DDX51: variants seen among roughly 807,000 people sequenced by gnomAD.
The protein encoded by DDX51 is DEAD-box helicase 51.
A neutral mutation model predicts 74.6 loss-of-function variants in DDX51; 67 were observed. That is an observed-to-expected ratio of 0.90 (90% confidence interval 0.74 to 1.10). The LOEUF (loss-of-function observed/expected upper bound fraction) is 1.10, where lower values mean the gene tolerates loss of function less well. Ranked by LOEUF, DDX51 falls within the 50% of genes least tolerant of loss-of-function variation. DDX51 has a pLI of 0.00. For synonymous variants in DDX51, 545 were observed against 402.9 expected (o/e 1.35, Z -4.22); for missense variants, 1,056 against 905.2 (o/e 1.17, Z -2.14).
chr12:132,141,112 T>C, intron 8 of DDX51, 92 bp from the exon 9 acceptor site: 3 of 1,506,868 alleles, frequency 2.0e-6, no homozygotes, highest in South Asian at 1.3e-5. Context: ...CTGTAGAGAC[T>C]GCCGCAGACC....
In DDX51 at chr12:132,139,198, C is replaced by T. The variant is rs111749278; in HGVS notation, c.*74G>A. 2.4e-3 allele frequency: 3,771 copies of T among 1,557,256 alleles called. 74 individuals are homozygous for T. The African/African-American group carries it at 0.045, about 19-fold the overall frequency. Reference sequence around the variant, plus strand: ...GATTCCTTTCCTCACATACAGGATCCAGTGATCAGCACTGCTCTGGAAGGA... The same window carrying T: ...GATTCCTTTCCTCACATACAGGATCTAGTGATCAGCACTGCTCTGGAAGGA... On this transcript the variant is annotated 3_prime_UTR_variant, in exon 15 of 15. Transcript: ENST00000397333.
At position 132,140,171 on chromosome 12, in the gene DDX51, C is replaced by T; in HGVS notation, c.1702G>A (p.Gly568Ser). The change falls in exon 12 of 15, where the codon GGC becomes AGC. Residue 568 changes from glycine (G) to serine (S), a missense_variant. Coordinates refer to ENST00000397333, the MANE Select transcript of DDX51 (RefSeq NM_175066.4). ...AGCTCCACACCCTGCACGTCGATGC[C>T]TCGCGCGGTGGCGTCCGTGCTGATG... ...LLISTDATAR[G>S]IDVQGVELVV... 1 of 1,612,834 alleles carries T rather than the reference C, an allele frequency of 6.2e-7. No individual in the cohort carries two copies. Among genetic ancestry groups the T allele is most frequent in the East Asian group, 2.2e-5 (1 of 44,880 alleles).
intron 14 of DDX51, 125 bp downstream of exon 14, chr12:132,139,510 C>T: frequency 1.3e-6 from 2 of 1,586,150 alleles, no homozygotes; most frequent in Non-Finnish European, 1.7e-6. Flanking sequence ...TCGAGGACAA[C>T]CTGTGTGACC....
rs950875946 is a variant in DDX51, at chr12:132,137,121, G to C, written c.*2151C>G. 4.6e-5 allele frequency: 7 copies of C among 152,284 alleles called. No homozygotes were observed. The highest frequency in any genetic ancestry group is 4.2e-4 in the South Asian group (2 of 4,818). The allele number at this position is 152,284 out of a possible 1,614,324, so 9.4% of individuals were successfully genotyped here. On this transcript the variant is annotated 3_prime_UTR_variant, in exon 15 of 15. Transcript: ENST00000397333. ...CTGCTCTGTGACACTTTTCTGCGAG[G>C]GTCTCTGGGTCTGCTCCCAGACATC...
intron 2 of DDX51, chr12:132,143,176 C>T (rs1897544268): frequency 6.7e-6 from 3 of 451,040 alleles, no homozygotes; most frequent in Non-Finnish European, 1.2e-5. Context: ...GGCGTCCCTG[C>T]CTCGAGGCCT....
intron 3 of DDX51, 66 bp downstream of exon 3, chr12:132,142,662 C>T: frequency 1.9e-6 from 3 of 1,591,004 alleles, no homozygotes; most frequent in African/African-American, 2.7e-5. Flanking sequence ...CCCACGGCCA[C>T]TCACAGCCTT....
At chr12:132,140,261 G>C (rs2136674615) in intron 11 of DDX51, 62 bp from the exon 12 acceptor site, 1 of 1,579,788 alleles carries the variant, frequency 6.3e-7, no homozygotes, top group East Asian at 2.2e-5. Flanking sequence ...GGCAGCACCG[G>C]CCCTGCGGGG....
rs1449418100 is a variant in DDX51 at position 132,143,787 on chromosome 12, C to T, written c.427G>A (p.Ala143Thr). 2.0e-6 allele frequency: 3 copies of T among 1,520,304 alleles called. No individual in the cohort carries two copies. The highest frequency in any genetic ancestry group is 2.6e-6 in the Non-Finnish European group (3 of 1,139,194). The allele number at this position is 1,520,304 out of a possible 1,614,324, so 94.2% of individuals were successfully genotyped here. A position where few individuals can be genotyped will look rare whatever the true frequency, so the allele number is the denominator to read the frequency against. The change falls in exon 2 of 15, where the codon GCG becomes ACG. Residue 143 changes from alanine (A) to threonine (T), a missense_variant. Transcript: ENST00000397333. ...GERSTSASAE[A>T]APDGPALEEA... The stretch of plus-strand genomic sequence containing the variant: ...TCCAGGGCCGGTCCATCTGGGGCCG[C>T]CTCGGCGCTGGCGCTGGTGCTGCGC...
intron 6 of DDX51, 48 bp from the exon 7 acceptor site, chr12:132,141,654 T>G (rs775211759): frequency 3.0e-5 from 46 of 1,533,790 alleles, no homozygotes; most frequent in Non-Finnish European, 3.9e-5. Context: ...CTCAAGGGCT[T>G]CCGGATAGCA....
intron 9 of DDX51, 27 bp downstream of exon 9, chr12:132,140,804 C>T (rs1231946928): frequency 1.4e-5 from 23 of 1,613,328 alleles, no homozygotes; most frequent in African/African-American, 2.7e-5. Flanking sequence ...CCAGTGCAAC[C>T]CTCTGCCCAC....
chr12:132,139,709 G>A lies in DDX51; in HGVS notation c.1900C>T (p.Leu634Phe). 6.2e-7 allele frequency: 1 copy of A among 1,613,022 alleles called. No individual in the cohort carries two copies. The highest frequency in any genetic ancestry group is 2.2e-5 in the East Asian group (1 of 44,874). Residue 634 changes from leucine to phenylalanine, a missense_variant, in exon 14 of 15, where the codon CTC becomes TTC. Physicochemically the swap from Leu to Phe is conservative, Grantham distance 22. Coordinates refer to ENST00000397333, the MANE Select transcript of DDX51 (RefSeq NM_175066.4). ...AGAPELQRHE[L>F]SSKLLQPLVP... ...AGCGGCTGCAGCAGCTTGCTGGAGA[G>A]CTCGTGCCGCTGCAACTCAGGTGCC...
chr12:132,143,018 C>A, intron 2 of DDX51, 140 bp from the exon 3 acceptor site: 1 of 1,101,446 alleles, frequency 9.1e-7, no homozygotes, highest in Non-Finnish European at 1.3e-6. Flanking sequence ...GATGCGCTTT[C>A]CATACAGCCT....
At position 132,141,400 on chromosome 12, in the gene DDX51, C is replaced by T. The variant is rs1172321092; in HGVS notation, c.1125G>A (p.Arg375=). 1.9e-6 allele frequency: 3 copies of T among 1,596,670 alleles called. No homozygotes were observed. Among genetic ancestry groups the T allele is most frequent in the Admixed American group, 1.7e-5 (1 of 59,718 alleles). ...LRFLIIDEAD[R]MIDSMHQSWL... is the part of the protein sequence containing the mutation. ...AGGACTGATGCATGCTGTCAATCAT[C>T]CGGTCAGCCTCGTCGATAATCTGCA... Residue 375 remains arginine, a synonymous_variant, in exon 8 of 15, where the codon CGG becomes CGA. Transcript: ENST00000397333.
rs17855640 is a variant in DDX51, at chr12:132,143,855, G to A, written c.359C>T (p.Pro120Leu). ...GCTGCTCCCTGCGCTGGGCTCCCCTGGCGCCTCCTCGCTGCTCCCTGCGCT... is the reference window on the plus strand; with the variant it reads ...GCTGCTCCCTGCGCTGGGCTCCCCTAGCGCCTCCTCGCTGCTCCCTGCGCT... ...EPSAGSSEEA[P>L]GEPSAGSSEE... The change falls in exon 2 of 15, where the codon CCA (proline) becomes CTA (leucine). Residue 120 changes from proline to leucine, a missense_variant. Coordinates refer to ENST00000397333, the MANE Select transcript of DDX51 (RefSeq NM_175066.4). 1.3e-6 allele frequency: 2 copies of A among 1,524,080 alleles called. No homozygotes were observed. Among genetic ancestry groups the A allele is most frequent in the East Asian group, 5.1e-5 (2 of 39,064 alleles). 94.4% of individuals were successfully genotyped at this position (1,524,080 alleles called of 1,614,324 possible). A position where few individuals can be genotyped will look rare whatever the true frequency, so the allele number is the denominator to read the frequency against.
rs749625452 is a variant in DDX51 at position 132,140,915 on chromosome 12, G to A, written c.1356C>T (p.Phe452=). 2 of 1,613,438 alleles carry A rather than the reference G, an allele frequency of 1.2e-6. No homozygotes were observed. The highest frequency in any genetic ancestry group is 1.7e-6 in the Non-Finnish European group (2 of 1,179,964). ...QQLGLHQPRL[F]STGLAHRGLE... is the part of the protein sequence containing the mutation. The stretch of plus-strand genomic sequence containing the variant: ...GGCCCCTGTGTGCTAGCCCTGTGGA[G>A]AAAAGCCGGGGCTGGTGGAGGCCCA... The change falls in exon 9 of 15, where the codon TTC becomes TTT. Residue 452 remains phenylalanine, a synonymous_variant. Transcript: ENST00000397333.
chr12:132,141,081 C>A lies in DDX51; in HGVS notation c.1251-61G>T. ...GTGGCTGCCCCGAACCTCCAGGGAACAGGATTCCTCATGCTACGCACTGTA... is the reference window on the plus strand; with the variant it reads ...GTGGCTGCCCCGAACCTCCAGGGAAAAGGATTCCTCATGCTACGCACTGTA... On this transcript the variant is annotated intron_variant, in intron 8 of 14. Transcript: ENST00000397333. 3 of 1,538,932 alleles carry A rather than the reference C, an allele frequency of 1.9e-6. No homozygotes were observed. The East Asian group carries it at 6.7e-5, about 35-fold the overall frequency.
chr12:132,137,749 C>T lies in DDX51; in HGVS notation c.*1523G>A, dbSNP rs888191831. On this transcript the variant is annotated 3_prime_UTR_variant, in exon 15 of 15. Transcript: ENST00000397333. ...AAGCACTGGACTGAGAGAATTCACA[C>T]ACTGTATCCACCCAGTCCATGGTTT... 2.0e-5 allele frequency: 3 copies of T among 152,216 alleles called. No individual in the cohort carries two copies. The highest frequency in any genetic ancestry group is 4.8e-5 in the African/African-American group (2 of 41,448). The allele number at this position is 152,216 out of a possible 1,614,324, so 9.4% of individuals were successfully genotyped here.
In DDX51 at chr12:132,141,437, G is replaced by A. The variant is rs1016681453; in HGVS notation, c.1105-17C>T. The A allele has an allele frequency of 1.3e-6, 2 of 1,585,542 alleles. No individual in the cohort carries two copies. Among genetic ancestry groups the A allele is most frequent in the Non-Finnish European group, 1.7e-6 (2 of 1,170,096 alleles). ...GTCGATAATCTGCAGGAGACAGGGA[G>A]CCCGGGACTGGGTGGCGCGGCCCTG... is the stretch of plus-strand genomic sequence containing the variant. On this transcript the variant is annotated splice_polypyrimidine_tract_variant and intron_variant, in intron 7 of 14. Coordinates refer to ENST00000397333, the MANE Select transcript of DDX51 (RefSeq NM_175066.4).
chr12:132,140,389 C>T (rs756166052), intron 11 of DDX51, 34 bp downstream of exon 11: 11 of 1,606,220 alleles, frequency 6.8e-6, no homozygotes, highest in Non-Finnish European at 9.4e-6. Context: ...GCACCCCCAC[C>T]CCACAGAGGC....
Sources: gnomAD v4.1 joint callset for allele counts on GRCh38, gnomAD v4.1.1 for gene constraint, MANE v1.5 for transcripts, NCBI Gene and HGNC (gene_info 2026-07-23, HGNC 2026-07-21) for gene names.